Variants in RCAN1 observed in about 807,000 individuals in gnomAD.
The protein encoded by RCAN1 is regulator of calcineurin 1.
A neutral mutation model predicts 22.9 loss-of-function variants in RCAN1; 11 were observed. The observed-to-expected ratio is 0.48, with a 90% CI of 0.30 to 0.79. The LOEUF (loss-of-function observed/expected upper bound fraction) is 0.79. Ranked by LOEUF, RCAN1 falls within the 30% of genes least tolerant of loss-of-function variation. The pLI is 0.06. For synonymous variants in RCAN1, 136 were observed against 142.3 expected (o/e 0.96, Z 0.32); for missense variants, 291 against 337.8 (o/e 0.86, Z 1.09).
At chr21:34,592,482 G>C (rs1470125491) in intron 1 of RCAN1, among the ~76,000 whole-genome samples, 1 of 152,160 alleles carries the variant, frequency 6.6e-6, no homozygotes, top group African/African-American at 2.4e-5. Context: ...TTCAAGCAGA[G>C]GGGAGCAAAG....
intron 1 of RCAN1, among the ~76,000 whole-genome samples, chr21:34,606,685 T>C (rs930465501): frequency 2.0e-5 from 3 of 151,886 alleles, no homozygotes; most frequent in Non-Finnish European, 4.4e-5. Flanking sequence ...GTCAGAAGGG[T>C]GGGGCCCTAA....
At chr21:34,525,569 A>ATCAGTTAT (rs1231333671) in intron 1 of RCAN1, 6 of 479,356 alleles carry the variant, frequency 1.3e-5, no homozygotes, top group Non-Finnish European at 2.1e-5. Flanking sequence ...AATTTGGGAG[A>ATCAGTTAT]GATGACTTTG....
At chr21:34,559,303 C>G (rs1180719075) in intron 1 of RCAN1, 1 of 152,126 alleles carries the variant, frequency 6.6e-6, no homozygotes, top group African/African-American at 2.4e-5. Context: ...TAAGAAGAGC[C>G]CTGTTTGTTC....
intron 1 of RCAN1, among the ~76,000 whole-genome samples, chr21:34,529,929 T>C (rs906117409): frequency 3.3e-5 from 5 of 152,228 alleles, no homozygotes; most frequent in African/African-American, 4.8e-5. Flanking sequence ...TCAGGGGTTT[T>C]CACTTTTGCT....
intron 1 of RCAN1, among the ~76,000 whole-genome samples, chr21:34,565,001 AC>A (rs1986950097): frequency 1.3e-5 from 2 of 151,972 alleles, no homozygotes; most frequent in Admixed American, 1.3e-4. Context: ...GGAGTTAAAG[AC>A]CAGCCTGGGC....
At chr21:34,590,625 G>A (rs1466720421) in intron 1 of RCAN1, among the ~76,000 whole-genome samples, 1 of 152,182 alleles carries the variant, frequency 6.6e-6, no homozygotes, top group East Asian at 1.9e-4. Context: ...AGCACCTGGT[G>A]CCCTTACTGG....
intron 1 of RCAN1, among the ~76,000 whole-genome samples, chr21:34,563,794 T>TATATATATAG (rs765741781): frequency 1.8e-4 from 9 of 48,718 alleles, no homozygotes; most frequent in African/African-American, 7.5e-4. Flanking sequence ...TATATATATA[T>TATATATATAG]AGAGAGAGAG....
intron 1 of RCAN1, among the ~76,000 whole-genome samples, chr21:34,561,765 T>A (rs1986797533): frequency 6.6e-6 from 1 of 152,180 alleles, no homozygotes; most frequent in Non-Finnish European, 1.5e-5. Context: ...GAATTCTAAC[T>A]CAAGACCTGA....
chr21:34,565,849 C>T (rs942261218), intron 1 of RCAN1, among the ~76,000 whole-genome samples: 1 of 152,162 alleles, frequency 6.6e-6, no homozygotes, highest in Non-Finnish European at 1.5e-5. Context: ...TATCTCTTCC[C>T]CAGCGACCAT....
At chr21:34,601,051 T>C (rs779378491) in intron 1 of RCAN1, among the ~76,000 whole-genome samples, 1 of 152,202 alleles carries the variant, frequency 6.6e-6, no homozygotes, top group Non-Finnish European at 1.5e-5. Flanking sequence ...CCTAAGTTAC[T>C]CATGGGAAAA....
chr21:34,574,409 T>G (rs571166225), intron 1 of RCAN1, among the ~76,000 whole-genome samples: 7 of 152,242 alleles, frequency 4.6e-5, no homozygotes, highest in Non-Finnish European at 1.0e-4. Flanking sequence ...AAAATATAAA[T>G]GTAGTCCAGC....
At chr21:34,534,909 T>A (rs1341180237) in intron 1 of RCAN1, among the ~76,000 whole-genome samples, 1 of 152,168 alleles carries the variant, frequency 6.6e-6, no homozygotes, top group African/African-American at 2.4e-5. Context: ...CCCGACCACA[T>A]GGACACTGCT....
chr21:34,553,516 A>T (rs538181102), intron 1 of RCAN1, among the ~76,000 whole-genome samples: 55 of 152,318 alleles, frequency 3.6e-4, no homozygotes, highest in African/African-American at 1.2e-3. Context: ...TCCATGGCTG[A>T]TTCATAACCA....
Position 34,517,049 on chromosome 21 carries a change from C to T in RCAN1, c.*1035G>A, listed in dbSNP as rs1314857821. 6 of 152,514 alleles carry T rather than the reference C, an allele frequency of 3.9e-5. No homozygotes were observed. Among genetic ancestry groups the T allele is most frequent in the African/African-American group, 1.4e-4 (6 of 41,458 alleles). 9.4% of individuals were successfully genotyped at this position (152,514 alleles called of 1,614,324 possible). Reference sequence around the variant, plus strand: ...TAGGTTAATACATCTTAGTCTCCCACTGCCATACTTTTCACCCAAGTGTAC... The same window carrying T: ...TAGGTTAATACATCTTAGTCTCCCATTGCCATACTTTTCACCCAAGTGTAC... On this transcript the variant is annotated 3_prime_UTR_variant, in exon 4 of 4. Coordinates refer to ENST00000313806, the MANE Select transcript of RCAN1 (RefSeq NM_004414.7).
chr21:34,583,046 T>A (rs757513040), intron 1 of RCAN1, among the ~76,000 whole-genome samples: 1 of 152,274 alleles, frequency 6.6e-6, no homozygotes, highest in African/African-American at 2.4e-5. Context: ...TGAATATAAC[T>A]GAGAGAGCTC....
intron 1 of RCAN1, among the ~76,000 whole-genome samples, chr21:34,595,600 C>T (rs970226975): frequency 3.3e-5 from 5 of 152,262 alleles, no homozygotes; most frequent in Non-Finnish European, 5.9e-5. Context: ...GTGCAGGAGC[C>T]GTGCTGAGAA....
intron 1 of RCAN1, among the ~76,000 whole-genome samples, chr21:34,574,368 A>G (rs1601189887): frequency 6.6e-6 from 1 of 152,242 alleles, no homozygotes; most frequent in East Asian, 1.9e-4. Context: ...GAAATCAGAC[A>G]ACTGACTTTT....
intron 1 of RCAN1, among the ~76,000 whole-genome samples, chr21:34,545,752 C>T (rs1986108250): frequency 6.6e-6 from 1 of 152,204 alleles, no homozygotes; most frequent in Admixed American, 6.5e-5. Context: ...TCCCCCAGTC[C>T]TTGCTGCAAC....
chr21:34,564,848 G>A (rs1224247551), intron 1 of RCAN1, among the ~76,000 whole-genome samples: 5 of 152,100 alleles, frequency 3.3e-5, no homozygotes, highest in Non-Finnish European at 5.9e-5. Flanking sequence ...CAGAAAAAGA[G>A]AATTAGCCTT....
Sources: allele counts gnomAD v4.1 joint callset (sites outside exome capture counted in the v4.1 genomes callset), GRCh38; gene constraint gnomAD v4.1.1; transcripts MANE v1.5; gene names NCBI Gene and HGNC (gene_info 2026-07-23, HGNC 2026-07-21).